SP1: variants seen among roughly 807,000 people sequenced by gnomAD.
The protein encoded by SP1 is transcription factor Sp1.
A neutral mutation model predicts 66.3 loss-of-function variants in SP1; 6 were observed. That is an observed-to-expected ratio of 0.09 (90% CI 0.05 to 0.18). The LOEUF is 0.18. SP1 is among the 10% of genes least tolerant of loss of function. The pLI is 1.00. For synonymous variants in SP1, 417 were observed against 360.8 expected, an observed-to-expected ratio of 1.16 and a Z score of -1.77; for missense variants, 848 against 964.5, an observed-to-expected ratio of 0.88 and a Z score of 1.60.
intron 1 of SP1, chr12:53,380,668 G>T (rs1469958802): frequency 6.1e-6 from 6 of 989,002 alleles, no homozygotes; most frequent in Non-Finnish European, 2.4e-6. Context: ...CCAACCGCCT[G>T]CCTGGTCCGC....
chr12:53,398,150 A>C (rs779427947), intron 3 of SP1, among the ~76,000 whole-genome samples: 2 of 152,242 alleles, frequency 1.3e-5, no homozygotes, highest in Admixed American at 6.5e-5. Context: ...CTTGTGATGT[A>C]GATTTATAGA....
chr12:53,396,274 CAA>C (rs551946313), intron 3 of SP1, among the ~76,000 whole-genome samples: 2 of 102,022 alleles, frequency 2.0e-5, no homozygotes, highest in Non-Finnish European at 2.1e-5. Flanking sequence ...GACTCCGTCT[CAA>C]AAAAAAAAAA....
chr12:53,380,753 C>A (rs1334682590), intron 1 of SP1: 1 of 676,122 alleles, frequency 1.5e-6, no homozygotes, highest in Non-Finnish European at 1.8e-6. Context: ...CGCCCCCCAC[C>A]GTCCCGCCCT....
intron 4 of SP1, among the ~76,000 whole-genome samples, chr12:53,407,137 T>G (rs1436175056): frequency 1.3e-5 from 2 of 151,560 alleles, no homozygotes; most frequent in African/African-American, 4.9e-5. Flanking sequence ...GTTAATTTTT[T>G]TTTTTAGGAT....
In SP1 at chr12:53,385,640, C is replaced by T. The variant is rs180859756; in HGVS notation, c.1675+2018C>T. On this transcript the variant is annotated intron_variant, in intron 3 of 5. Coordinates refer to ENST00000327443, the MANE Select transcript of SP1 (RefSeq NM_138473.3). ...AAAATAAATTTGATTATGGGCTGGG[C>T]GCGGTGGCTCACGCCTATAATCCCA... Among the ~76,000 whole-genome samples, 8 of 148,910 alleles carry T rather than the reference C, an allele frequency of 5.4e-5. No individual in the cohort carries two copies. The South Asian group carries it at 6.4e-4, about 12-fold the overall frequency.
At chr12:53,395,547 G>A (rs1938469373) in intron 3 of SP1, among the ~76,000 whole-genome samples, 1 of 152,128 alleles carries the variant, frequency 6.6e-6, no homozygotes, top group African/African-American at 2.4e-5. Context: ...GCTCAAGAAT[G>A]AGAAAAGTAT....
chr12:53,386,958 G>A (rs1179200540), intron 3 of SP1, among the ~76,000 whole-genome samples: 8 of 84,904 alleles, frequency 9.4e-5, no homozygotes, highest in African/African-American at 3.2e-4. Flanking sequence ...TTTTTTTTTC[G>A]TTTTCTTTTT....
intron 3 of SP1, among the ~76,000 whole-genome samples, chr12:53,394,115 T>C (rs979670193): frequency 6.6e-6 from 1 of 151,844 alleles, no homozygotes; most frequent in Admixed American, 6.6e-5. Context: ...CTCAGGAGGC[T>C]GAGGCAGGAG....
At chr12:53,403,947 G>C (rs1360716003) in intron 3 of SP1, among the ~76,000 whole-genome samples, 1 of 151,466 alleles carries the variant, frequency 6.6e-6, no homozygotes, top group Non-Finnish European at 1.5e-5. Context: ...CGAGGCGGGC[G>C]GATCATGAGG....
At position 53,405,466 on chromosome 12, in the gene SP1, C is replaced by T. The variant is rs1416289303; in HGVS notation, c.1676-1119C>T. On this transcript the variant is annotated intron_variant, in intron 3 of 5. Transcript: ENST00000327443. ...GGTGGATCACCTAAGGTCAGGAGTT[C>T]GAGACAGCCTGACCAACATGGTGAA... 2.6e-5 allele frequency among the ~76,000 whole-genome samples: 4 copies of T among 151,912 alleles called. No homozygotes were observed. In the East Asian group the frequency reaches 5.8e-4, roughly 22 times the overall value.
chr12:53,381,290 A>G (rs968458117), intron 1 of SP1: 3 of 160,924 alleles, frequency 1.9e-5, no homozygotes, highest in African/African-American at 7.2e-5. Context: ...CAAGCTTTCC[A>G]TGCACCCACA....
At chr12:53,396,719 TG>T (rs1475258387) in intron 3 of SP1, among the ~76,000 whole-genome samples, 2 of 152,194 alleles carry the variant, frequency 1.3e-5, no homozygotes, top group Admixed American at 1.3e-4. Flanking sequence ...TGCAGACAAA[TG>T]TATGAAATAA....
chr12:53,406,006 AAAC>A (rs1261643142), intron 3 of SP1, among the ~76,000 whole-genome samples: 2 of 151,364 alleles, frequency 1.3e-5, no homozygotes, highest in Admixed American at 6.6e-5. Flanking sequence ...TAATAAAAAA[AAAC>A]AACTATGAGA....
rs1170832065 is a variant in SP1, at chr12:53,406,065, CTTTTTTTTTTTTTT to C, written c.1676-509_1676-496del. 6.1e-5 allele frequency among the ~76,000 whole-genome samples: 5 copies of C among 82,418 alleles called. 1 individual carries two copies. The highest frequency in any genetic ancestry group is 9.9e-4 in the South Asian group (2 of 2,014). The allele number at this position is 82,418 out of a possible 152,430, so 54.1% of individuals were successfully genotyped here. A position where few individuals can be genotyped will look rare whatever the true frequency, so the allele number is the denominator to read the frequency against. Reference sequence around the variant, plus strand: ...TTTATTGGCTCTTGGTATTTTCTTTCTTTTTTTTTTTTTTTTTTTTTTTTGAGACAGAGTCTTGC... The same window carrying C: ...TTTATTGGCTCTTGGTATTTTCTTTCTTTTTTTTTTGAGACAGAGTCTTGC... On this transcript the variant is annotated intron_variant, in intron 3 of 5. Transcript: ENST00000327443.
chr12:53,396,353 A>G (rs930480646), intron 3 of SP1, among the ~76,000 whole-genome samples: 3 of 151,634 alleles, frequency 2.0e-5, no homozygotes, highest in Admixed American at 6.6e-5. Context: ...GTGGATCATC[A>G]GGTCAAGAGA....
rs1288926914 is a variant in SP1 at position 53,410,937 on chromosome 12, A to G, written c.2055A>G (p.Lys685=). The G allele has an allele frequency of 1.2e-6, 2 of 1,611,568 alleles. No homozygotes were observed. The highest frequency in any genetic ancestry group is 1.3e-5 in the African/African-American group (1 of 74,854). Residue 685 remains lysine, a synonymous_variant, in exon 6 of 6, where the codon AAA becomes AAG. Transcript: ENST00000327443. ...TCTTCCTTTACCTAGGTGAGAAGAA[A>G]TTTGCCTGCCCTGAGTGTCCTAAGC... ...RHKRTHTGEK[K]FACPECPKRF... is the part of the protein sequence containing the mutation.
At position 53,382,953 on chromosome 12, in the gene SP1, A is replaced by G. The variant is rs1183328876; in HGVS notation, c.1006A>G (p.Met336Val). 1.9e-6 allele frequency: 3 copies of G among 1,614,012 alleles called. No individual in the cohort carries two copies. Among genetic ancestry groups the G allele is most frequent in the Non-Finnish European group, 8.5e-7 (1 of 1,180,044 alleles). Reference sequence around the variant, plus strand: ...CTCAACTACTACTACCACCAGCAACATGGGAATTATGAACTTTACTACCAG... The same window carrying G: ...CTCAACTACTACTACCACCAGCAACGTGGGAATTATGAACTTTACTACCAG... ...SYSTTTTTSN[M>V]GIMNFTTSGS... The change falls in exon 3 of 6, where the codon ATG (methionine) becomes GTG (valine). Residue 336 changes from methionine (M) to valine (V), a missense_variant. Physicochemically the swap from Met to Val is conservative, Grantham distance 21. Coordinates refer to ENST00000327443, the MANE Select transcript of SP1 (RefSeq NM_138473.3).
chr12:53,385,256 T>C (rs545043421), intron 3 of SP1, among the ~76,000 whole-genome samples: 6 of 150,714 alleles, frequency 4.0e-5, no homozygotes, highest in East Asian at 2.0e-4. Context: ...ATCACATCAC[T>C]GCACTCCAGC....
chr12:53,400,283 C>T (rs1938582472), intron 3 of SP1, among the ~76,000 whole-genome samples: 1 of 152,180 alleles, frequency 6.6e-6, no homozygotes, highest in Non-Finnish European at 1.5e-5. Context: ...TCTTTAATGA[C>T]TGGCTTCTTT....
Sources: allele counts gnomAD v4.1 joint callset (sites outside exome capture counted in the v4.1 genomes callset), GRCh38; gene constraint gnomAD v4.1.1; transcripts MANE v1.5; gene names NCBI Gene and HGNC (gene_info 2026-07-23, HGNC 2026-07-21).